The following ZNF423 variants were observed in gnomAD, a reference collection of about 807,000 sequenced individuals.
ZNF423 encodes Ebf-associated zinc finger protein.
Under a neutral mutation model 95.8 loss-of-function variants are expected in ZNF423, and 12 were observed. The observed-to-expected ratio is 0.13, with a 90% CI of 0.08 to 0.20. The LOEUF is 0.20. ZNF423 is among the 10% of genes least tolerant of loss of function. The pLI, the probability that ZNF423 is intolerant of heterozygous loss-of-function variation, is 1.00. For synonymous variants in ZNF423, 749 were observed against 711.9 expected (o/e 1.05, Z -0.83); for missense variants, 1,316 against 1,737.1 (o/e 0.76, Z 4.31).
intron 1 of ZNF423, among the ~76,000 whole-genome samples, chr16:49,815,769 C>G (rs2034826403): frequency 6.6e-6 from 1 of 150,644 alleles, no homozygotes; most frequent in South Asian, 2.1e-4. Context: ...CCTCACTGTA[C>G]AGGAACTTGA....
intron 2 of ZNF423, among the ~76,000 whole-genome samples, chr16:49,763,620 C>T (rs1014523912): frequency 4.6e-5 from 7 of 152,136 alleles, no homozygotes; most frequent in Non-Finnish European, 8.8e-5. Context: ...CACTCCCCAG[C>T]GTCACAGGAA....
chr16:49,736,930 T>C (rs927363765), intron 2 of ZNF423, among the ~76,000 whole-genome samples: 1 of 152,100 alleles, frequency 6.6e-6, no homozygotes, highest in African/African-American at 2.4e-5. Flanking sequence ...GATGGCCCCA[T>C]GCCCTCTAGA....
At chr16:49,857,306 T>TGGCGGCGGCGGC (rs59062897), upstream of ZNF423, among the ~76,000 whole-genome samples, 3,003 of 144,430 alleles carry the variant, frequency 0.021, 47 homozygotes, top group South Asian at 0.043. The surrounding 1 kb of genome is among the most constrained non-coding windows in gnomAD (Gnocchi z 6.2). Context: ...CGGACCGTGG[T>TGGCGGCGGCGGC]GGCGGCGGCG....
upstream of ZNF423, among the ~76,000 whole-genome samples, chr16:49,857,577 G>T (rs952042082): frequency 2.0e-5 from 3 of 152,256 alleles, no homozygotes; most frequent in East Asian, 1.9e-4. This position sits in a 1 kb window ranked among gnomAD's most constrained non-coding sequence, Gnocchi z 6.2. Flanking sequence ...GCTCTGCCAG[G>T]TTGGCTTTTG....
At chr16:49,721,814 G>GTAGACACA (rs1169799547) in intron 3 of ZNF423, among the ~76,000 whole-genome samples, 3 of 152,170 alleles carry the variant, frequency 2.0e-5, no homozygotes, top group Non-Finnish European at 4.4e-5. Flanking sequence ...CACATAGACT[G>GTAGACACA]TAGACACATA....
chr16:49,641,126 A>C (rs1009264361), intron 3 of ZNF423, among the ~76,000 whole-genome samples: 5 of 152,142 alleles, frequency 3.3e-5, no homozygotes, highest in African/African-American at 1.2e-4. Context: ...GCTTTCTCAC[A>C]ACTGCAAATG....
Position 49,487,570 on chromosome 16 carries a change from T to A in ZNF423, c.*3705A>T, listed in dbSNP as rs1327393213. On this transcript the variant is annotated 3_prime_UTR_variant, in exon 8 of 8. Transcript: ENST00000563137. ...ACTTTATTCATCGTTGTCATCATGATTGTTATAATAAAATTAACAATGGAG... is the reference window on the plus strand; with the variant it reads ...ACTTTATTCATCGTTGTCATCATGAATGTTATAATAAAATTAACAATGGAG... 6.6e-6 allele frequency: 1 copy of A among 152,196 alleles called. No homozygotes were observed. Among genetic ancestry groups the A allele is most frequent in the East Asian group, 1.9e-4 (1 of 5,196 alleles). The allele number at this position is 152,196 out of a possible 1,614,324, so 9.4% of individuals were successfully genotyped here.
chr16:49,637,451 G>A lies in ZNF423; in HGVS notation c.1725C>T (p.Tyr575=). The A allele has an allele frequency of 6.2e-7, 1 of 1,614,160 alleles. No individual in the cohort carries two copies. The highest frequency in any genetic ancestry group is 8.5e-7 in the Non-Finnish European group (1 of 1,180,042). ...QSFMEVYSCP[Y]CTNSPIFGSI... is the part of the protein sequence containing the mutation. The stretch of plus-strand genomic sequence containing the variant: ...AGCCAAAGATGGGGGAGTTGGTGCA[G>A]TAGGGGCAGGAATAGACCTCCATGA... Residue 575 remains tyrosine (Y), a synonymous_variant, in exon 4 of 8, where the codon TAC becomes TAT. Transcript: ENST00000563137. This position sits in a 1 kb window ranked among gnomAD's most constrained non-coding sequence, Gnocchi z 5.6.
At chr16:49,608,196 C>T (rs1332781068) in intron 5 of ZNF423, among the ~76,000 whole-genome samples, 6 of 152,240 alleles carry the variant, frequency 3.9e-5, no homozygotes, top group African/African-American at 1.2e-4. Flanking sequence ...GAAGGACCAT[C>T]GGAGGGAAGA....
chr16:49,831,573 C>G (rs996898451), intron 1 of ZNF423, among the ~76,000 whole-genome samples: 23 of 152,174 alleles, frequency 1.5e-4, no homozygotes, highest in Non-Finnish European at 2.2e-4. Flanking sequence ...CATGAAACTC[C>G]CAGTGACTTC....
In ZNF423 at chr16:49,603,856, C is replaced by T. The variant is rs1459077658; in HGVS notation, c.3601+22314G>A. On this transcript the variant is annotated intron_variant, in intron 5 of 7. Coordinates refer to ENST00000563137, the MANE Select transcript of ZNF423 (RefSeq NM_001379286.1). This position sits in a 1 kb window ranked among gnomAD's most constrained non-coding sequence, Gnocchi z 4.1. ...TATACCAAAAGTAAGAAAATAGCCT[C>T]CCTCCTTCCTCATCCTCCAAGCAGT... is the stretch of plus-strand genomic sequence containing the variant. Among the ~76,000 whole-genome samples the T allele has an allele frequency of 6.6e-6, 1 of 152,198 alleles. No homozygotes were observed. The highest frequency in any genetic ancestry group is 6.5e-5 in the Admixed American group (1 of 15,286).
At chr16:49,500,321 A>T (rs1012522275) in intron 7 of ZNF423, among the ~76,000 whole-genome samples, 1 of 152,150 alleles carries the variant, frequency 6.6e-6, no homozygotes, top group Non-Finnish European at 1.5e-5. Context: ...GTGCCAGGTG[A>T]CCACAAGTTC....
intron 3 of ZNF423, among the ~76,000 whole-genome samples, chr16:49,639,362 C>T (rs769623785): frequency 2.0e-4 from 30 of 152,292 alleles, no homozygotes; most frequent in Non-Finnish European, 4.0e-4. Flanking sequence ...CAAAATTTTG[C>T]AACAACAAAA....
chr16:49,833,211 A>G (rs2035079931), intron 1 of ZNF423, among the ~76,000 whole-genome samples: 1 of 152,038 alleles, frequency 6.6e-6, no homozygotes, highest in African/African-American at 2.4e-5. Context: ...AGAGCCCAGG[A>G]CTCCAGCCAG....
chr16:49,690,136 C>T (rs1036335247), intron 3 of ZNF423, among the ~76,000 whole-genome samples: 5 of 152,214 alleles, frequency 3.3e-5, no homozygotes, highest in Non-Finnish European at 7.3e-5. Flanking sequence ...CCCTTCATGC[C>T]CATTACTGCC....
chr16:49,687,035 C>T (rs1019133154), intron 3 of ZNF423, among the ~76,000 whole-genome samples: 24 of 152,112 alleles, frequency 1.6e-4, no homozygotes, highest in African/African-American at 5.3e-4. Context: ...AACCAGATGG[C>T]GACACCCCCT....
chr16:49,700,215 A>AAAAGAAG (rs1555473664), intron 3 of ZNF423, among the ~76,000 whole-genome samples: 10 of 136,110 alleles, frequency 7.3e-5, no homozygotes, highest in South Asian at 4.4e-4. Flanking sequence ...AAAAAAAAAA[A>AAAAGAAG]AACAAGAAGA....
chr16:49,530,613 TGGGAGTGCTGGTA>T (rs1968805346), intron 5 of ZNF423, among the ~76,000 whole-genome samples: 1 of 152,026 alleles, frequency 6.6e-6, no homozygotes, highest in African/African-American at 2.4e-5. Context: ...TGCGGTAGGG[TGGGAGTGCTGGTA>T]AATGCCATCA....
At chr16:49,851,146 G>A (rs1244348084) in intron 1 of ZNF423, among the ~76,000 whole-genome samples, 1 of 152,168 alleles carries the variant, frequency 6.6e-6, no homozygotes, top group Non-Finnish European at 1.5e-5. Context: ...GCTATAATGG[G>A]ATACCGTTGT....
Sources: allele counts gnomAD v4.1 joint callset (sites outside exome capture counted in the v4.1 genomes callset), GRCh38; gene constraint gnomAD v4.1.1; non-coding constraint Gnocchi (gnomAD v3.1); transcripts MANE v1.5; gene names NCBI Gene and HGNC (gene_info 2026-07-23, HGNC 2026-07-21).